The following ERG variants were observed in gnomAD, a reference collection of about 807,000 sequenced individuals.
The protein encoded by ERG is transcriptional regulator ERG.
In ERG, 9 loss-of-function variants were observed where a neutral mutation model predicts 55.3. The ratio of observed to expected loss-of-function variants is 0.16; its 90% CI spans 0.10 to 0.28. ERG has a LOEUF of 0.28. Ranked by LOEUF, ERG falls within the 10% of genes least tolerant of loss-of-function variation. The pLI is 1.00. For synonymous variants in ERG, 223 were observed against 237.3 expected, an observed-to-expected ratio of 0.94 and a Z score of 0.55; for missense variants, 434 against 631.6, an observed-to-expected ratio of 0.69 and a Z score of 3.35.
intron 1 of ERG, among the ~76,000 whole-genome samples, chr21:38,478,173 G>A (rs2059206493): frequency 6.6e-6 from 1 of 152,220 alleles, no homozygotes; most frequent in Admixed American, 6.5e-5. Flanking sequence ...AGAGTGGCAT[G>A]GTAGAGGATG....
intron 2 of ERG, among the ~76,000 whole-genome samples, chr21:38,510,331 C>T (rs1272804799): frequency 6.6e-6 from 1 of 152,216 alleles, no homozygotes; most frequent in Non-Finnish European, 1.5e-5. Context: ...GCTGTTCGAG[C>T]TTTTCATCAG....
chr21:38,658,119 G>A (rs1430771098), intron 1 of ERG, among the ~76,000 whole-genome samples: 3 of 152,118 alleles, frequency 2.0e-5, no homozygotes, highest in Non-Finnish European at 4.4e-5. Context: ...ACACACTGGG[G>A]AAGGAAAAAA....
chr21:38,499,645 G>C (rs2059406085), upstream of ERG, among the ~76,000 whole-genome samples: 1 of 151,878 alleles, frequency 6.6e-6, no homozygotes, highest in African/African-American at 2.4e-5. Context: ...CACCAGCCCA[G>C]GTCATTCTGG....
In ERG at chr21:38,496,293, A is replaced by G. The variant is rs182494471; in HGVS notation, c.18+2070T>C. On this transcript the variant is annotated intron_variant, in intron 1 of 9. Coordinates refer to ENST00000288319, the MANE Select transcript of ERG (RefSeq NM_182918.4). ...ACTAATTGATTTATTTACTGAAACA[A>G]CAAAAAAACAGAGTGCATTGAGACT... is the stretch of plus-strand genomic sequence containing the variant. 2.4e-3 allele frequency among the ~76,000 whole-genome samples: 360 copies of G among 152,302 alleles called. 1 individual carries two copies. The highest frequency in any genetic ancestry group is 8.3e-3 in the African/African-American group (346 of 41,564).
chr21:38,553,233 G>T (rs1057263879), intron 2 of ERG, among the ~76,000 whole-genome samples: 2 of 152,108 alleles, frequency 1.3e-5, no homozygotes, highest in African/African-American at 4.8e-5. Context: ...TGGATAGGAA[G>T]AATCAATATT....
chr21:38,605,304 G>A (rs2060190018), intron 1 of ERG, among the ~76,000 whole-genome samples: 1 of 152,138 alleles, frequency 6.6e-6, no homozygotes, highest in African/African-American at 2.4e-5. Flanking sequence ...CTCACTGAAT[G>A]CCCATGCTGT....
chr21:38,391,009 C>T lies in ERG; in HGVS notation c.905G>A (p.Arg302His), dbSNP rs774038422. ...PYQILGPTSS[R>H]LANPGSGQIQ... ...CAGTTTCTCACCTGGATTTGCAAGGCGGCTACTTGTTGGTCCAAGAATCTG... is the reference window on the plus strand; with the variant it reads ...CAGTTTCTCACCTGGATTTGCAAGGTGGCTACTTGTTGGTCCAAGAATCTG... Residue 302 changes from arginine (R) to histidine (H), a missense_variant, in exon 9 of 10, where the codon CGC becomes CAC. Physicochemically the swap from Arg to His is conservative, Grantham distance 29. Transcript: ENST00000288319. 1.1e-5 allele frequency: 17 copies of T among 1,613,220 alleles called. No homozygotes were observed. Among genetic ancestry groups the T allele is most frequent in the Admixed American group, 3.3e-5 (2 of 59,818 alleles).
intron 2 of ERG, among the ~76,000 whole-genome samples, chr21:38,426,721 G>C (rs907349662): frequency 6.6e-6 from 1 of 151,500 alleles, no homozygotes; most frequent in Non-Finnish European, 1.5e-5. Context: ...ACCTGAGGTC[G>C]GGAGTTTGAG....
intron 3 of ERG, among the ~76,000 whole-genome samples, chr21:38,420,821 A>G (rs1989509216): frequency 6.6e-6 from 1 of 152,184 alleles, no homozygotes; most frequent in South Asian, 2.1e-4. Flanking sequence ...TCTGTGATTC[A>G]ATGAGGAACC....
At chr21:38,467,607 C>A (rs1483274337) in intron 1 of ERG, among the ~76,000 whole-genome samples, 3 of 152,124 alleles carry the variant, frequency 2.0e-5, no homozygotes, top group Non-Finnish European at 2.9e-5. Context: ...TGTACATGTG[C>A]TCTTGTTAAA....
chr21:38,645,569 C>A (rs763635749), intron 1 of ERG, among the ~76,000 whole-genome samples: 2 of 152,200 alleles, frequency 1.3e-5, no homozygotes, highest in African/African-American at 4.8e-5. Flanking sequence ...GCGGCTTGGG[C>A]TCCAAATTCA....
chr21:38,571,560 T>C (rs1020688309), intron 2 of ERG, among the ~76,000 whole-genome samples: 1 of 151,556 alleles, frequency 6.6e-6, no homozygotes, highest in African/African-American at 2.4e-5. Context: ...TTAAAAAAGG[T>C]ACCTGGAACG....
intron 1 of ERG, among the ~76,000 whole-genome samples, chr21:38,630,583 C>T (rs1226549430): frequency 6.6e-6 from 1 of 152,218 alleles, no homozygotes; most frequent in Non-Finnish European, 1.5e-5. Context: ...CATAGTTGCA[C>T]ATGGCTTCAA....
intron 2 of ERG, among the ~76,000 whole-genome samples, chr21:38,560,963 T>C (rs910918101): frequency 8.5e-5 from 13 of 152,226 alleles, no homozygotes; most frequent in African/African-American, 2.7e-4. Context: ...ATTTATGTCA[T>C]GCATTAATAT....
At chr21:38,606,766 G>A (rs2060199171) in intron 1 of ERG, among the ~76,000 whole-genome samples, 1 of 152,086 alleles carries the variant, frequency 6.6e-6, no homozygotes, top group Non-Finnish European at 1.5e-5. Flanking sequence ...AATGGTAAGA[G>A]AAATTACTGA....
At chr21:38,535,900 T>C (rs1356773450) in intron 2 of ERG, among the ~76,000 whole-genome samples, 3 of 152,206 alleles carry the variant, frequency 2.0e-5, no homozygotes, top group Non-Finnish European at 2.9e-5. Flanking sequence ...ATTAAATTCA[T>C]ATTTTCAACC....
intron 1 of ERG, among the ~76,000 whole-genome samples, chr21:38,490,099 A>G (rs912783917): frequency 1.3e-5 from 2 of 152,204 alleles, no homozygotes; most frequent in Admixed American, 6.5e-5. Context: ...GCAATCTCCA[A>G]TGCAGATCAG....
chr21:38,512,337 A>T (rs887410625), intron 2 of ERG, among the ~76,000 whole-genome samples: 2 of 152,258 alleles, frequency 1.3e-5, no homozygotes, highest in Non-Finnish European at 2.9e-5. Flanking sequence ...AATGTGGAGG[A>T]AAAAGCATTG....
chr21:38,481,140 A>T (rs1331133881), intron 1 of ERG, among the ~76,000 whole-genome samples: 6 of 152,216 alleles, frequency 3.9e-5, no homozygotes, highest in African/African-American at 1.4e-4. Context: ...AGTTTTTTCC[A>T]ACATTTTAAT....
Sources: allele counts gnomAD v4.1 joint callset (sites outside exome capture counted in the v4.1 genomes callset), GRCh38; gene constraint gnomAD v4.1.1; transcripts MANE v1.5; gene names NCBI Gene and HGNC (gene_info 2026-07-23, HGNC 2026-07-21).